DCDC1: variants seen among roughly 807,000 people sequenced by gnomAD.
The protein encoded by DCDC1 is doublecortin domain containing 1.
DCDC1 carries 200 observed loss-of-function variants against 178.3 expected under a neutral mutation model. That is an observed-to-expected ratio of 1.12 (90% CI 1.00 to 1.26). The LOEUF (loss-of-function observed/expected upper bound fraction) is 1.26, where lower values mean the gene tolerates loss of function less well. DCDC1 is among the 50% of genes most tolerant of loss of function. DCDC1 has a pLI of 0.00. For missense variants in DCDC1, 1,983 were observed against 1,749.2 expected (o/e 1.13, Z -2.38); for synonymous variants, 690 against 604.8 (o/e 1.14, Z -2.07).
chr11:31,331,099 C>T (rs1459393712), intron 2 of DCDC1, among the ~76,000 whole-genome samples: 3 of 152,088 alleles, frequency 2.0e-5, no homozygotes, highest in South Asian at 2.1e-4. Flanking sequence ...TTAAGAGGTC[C>T]TTCACATCCC....
chr11:31,329,106 T>G (rs551515177), intron 2 of DCDC1, among the ~76,000 whole-genome samples: 5 of 151,974 alleles, frequency 3.3e-5, no homozygotes, highest in Admixed American at 3.3e-4. Flanking sequence ...TGCCCTATTC[T>G]CCCACATACA....
intron 20 of DCDC1, among the ~76,000 whole-genome samples, chr11:30,988,544 C>G (rs866343966): frequency 2.0e-5 from 3 of 152,214 alleles, no homozygotes; most frequent in South Asian, 2.1e-4. Flanking sequence ...TCCCTCACCC[C>G]ACTCTTCTCC....
Position 30,903,491 on chromosome 11 carries a change from T to C in DCDC1, c.4501A>G (p.Ser1501Gly). ...PVGKEQIIVE[S>G]MEENPRMKVK... ...GTAGATTGTAGCCAACCTTCCATACTTTCAACAATTATCTGTTCTTTTCCA... is the reference window on the plus strand; with the variant it reads ...GTAGATTGTAGCCAACCTTCCATACCTTCAACAATTATCTGTTCTTTTCCA... The change falls in exon 32 of 39, where the codon AGT (serine) becomes GGT (glycine). Residue 1501 changes from serine to glycine, a missense_variant. Ser to Gly is a moderately conservative substitution (Grantham distance 56). Transcript: ENST00000684477. The C allele has an allele frequency of 6.3e-7, 1 of 1,595,114 alleles. No homozygotes were observed. The highest frequency in any genetic ancestry group is 1.3e-5 in the African/African-American group (1 of 74,838).
intron 18 of DCDC1, among the ~76,000 whole-genome samples, chr11:31,072,057 G>C (rs1956598973): frequency 6.6e-6 from 1 of 152,112 alleles, no homozygotes; most frequent in Non-Finnish European, 1.5e-5. Flanking sequence ...AAAAAATAAA[G>C]CAATAGATAA....
Position 31,032,364 on chromosome 11 carries a change from T to C in DCDC1, c.2591+32105A>G, listed in dbSNP as rs548072620. Among the ~76,000 whole-genome samples, 8 of 152,320 alleles carry C rather than the reference T, an allele frequency of 5.3e-5. No homozygotes were observed. The South Asian group carries it at 1.7e-3, about 32-fold the overall frequency. ...TAATTTTAATTCACCAGCTCATGTC[T>C]TGTAGGAATATTGTATTTCCTAATG... is the stretch of plus-strand genomic sequence containing the variant. On this transcript the variant is annotated intron_variant, in intron 20 of 38. Transcript: ENST00000684477.
rs1946196481 is a variant in DCDC1 at position 30,920,786 on chromosome 11, T to C, written c.3283A>G (p.Ser1095Gly). The change falls in exon 25 of 39, where the codon AGT becomes GGT. Residue 1095 changes from serine (S) to glycine (G), a missense_variant. By Grantham distance (56) the Ser-to-Gly change is moderately conservative. Transcript: ENST00000684477. The stretch of plus-strand genomic sequence containing the variant: ...ACACTGATTACTTACAGAATTTCAC[T>C]GGAAGCATTTTCCGTTGTTAGAGGA... ...EDPLTTENAS[S>G]EILDSHVRAH... is the part of the protein sequence containing the mutation. 2 of 1,613,444 alleles carry C rather than the reference T, an allele frequency of 1.2e-6. No individual in the cohort carries two copies. The highest frequency in any genetic ancestry group is 1.7e-6 in the Non-Finnish European group (2 of 1,179,694).
chr11:30,878,629 C>A lies in DCDC1; in HGVS notation c.5316G>T (p.Val1772=). ...QQGPQATDIV[V]SPSTKLLSLA... Reference sequence around the variant, plus strand: ...GAGACAGCAGCTTCGTGGATGGTGACACCACAATGTCTGTGGCTTGAGGGC... The same window carrying A: ...GAGACAGCAGCTTCGTGGATGGTGAAACCACAATGTCTGTGGCTTGAGGGC... Residue 1772 remains valine, a synonymous_variant, in exon 38 of 39, where the codon GTG becomes GTT. Transcript: ENST00000684477. The A allele has an allele frequency of 1.2e-6, 2 of 1,610,546 alleles. No homozygotes were observed. Among genetic ancestry groups the A allele is most frequent in the Non-Finnish European group, 1.7e-6 (2 of 1,178,610 alleles).
intron 20 of DCDC1, among the ~76,000 whole-genome samples, chr11:30,977,339 G>T (rs1284135906): frequency 6.6e-6 from 1 of 152,210 alleles, no homozygotes; most frequent in African/African-American, 2.4e-5. Context: ...GACTTGAAAA[G>T]TTCCCAACAC....
chr11:31,223,980 C>T (rs1974601011), intron 9 of DCDC1, among the ~76,000 whole-genome samples: 1 of 151,756 alleles, frequency 6.6e-6, no homozygotes, highest in Admixed American at 6.6e-5. Context: ...ATCATGGGGG[C>T]CGGTCTTTCC....
chr11:31,368,932 G>A (rs1465964260), intron 1 of DCDC1, among the ~76,000 whole-genome samples: 2 of 151,946 alleles, frequency 1.3e-5, no homozygotes, highest in Non-Finnish European at 2.9e-5. Flanking sequence ...AAGAAAGAAA[G>A]GTGAGAAAAA....
intron 6 of DCDC1, among the ~76,000 whole-genome samples, chr11:31,294,864 AAG>A (rs1947571102): frequency 6.8e-6 from 1 of 148,054 alleles, no homozygotes; most frequent in South Asian, 2.2e-4. Context: ...GAAAGAAAGA[AAG>A]AAAAAGAAAA....
At position 30,877,880 on chromosome 11, in the gene DCDC1, T is replaced by C. The variant is rs1193316820; in HGVS notation, c.*40+664A>G. 7.2e-5 allele frequency among the ~76,000 whole-genome samples: 11 copies of C among 152,164 alleles called. 1 individual carries two copies. Among genetic ancestry groups the C allele is most frequent in the Non-Finnish European group, 8.8e-5 (6 of 68,022 alleles). ...TAGTGTCTAGTGGTCAGAGTCTTTT[T>C]GTATTATCAAAACATTCCATATATG... is the stretch of plus-strand genomic sequence containing the variant. On this transcript the variant is annotated intron_variant, in intron 38 of 38. Transcript: ENST00000684477.
chr11:31,095,782 G>A (rs1435108403), intron 15 of DCDC1, among the ~76,000 whole-genome samples: 1 of 152,122 alleles, frequency 6.6e-6, no homozygotes, highest in Non-Finnish European at 1.5e-5. Context: ...CACATCACTT[G>A]TAGGAATTCT....
rs181389739 is a variant in DCDC1, at chr11:31,133,834, G to T, written c.1314+3858C>A. Among the ~76,000 whole-genome samples the T allele has an allele frequency of 5.6e-4, 85 of 152,224 alleles. 1 individual carries two copies. Among genetic ancestry groups the T allele is most frequent in the African/African-American group, 1.8e-3 (74 of 41,538 alleles). On this transcript the variant is annotated intron_variant, in intron 10 of 38. Coordinates refer to ENST00000684477, the MANE Select transcript of DCDC1 (RefSeq NM_001387274.1). ...TTCTCCTGCCTCAGCCTCCTGAGTA[G>T]CTGGGATTACAGGCATGCACCAGCA...
chr11:30,864,118 C>A lies in DCDC1; in HGVS notation c.*1255G>T, dbSNP rs1206221303. ...CTCCAGACTGGGCAACAGAGTGAGA[C>A]TCCATCTCAAAAAAAAAAAATTGCA... is the stretch of plus-strand genomic sequence containing the variant. On this transcript the variant is annotated 3_prime_UTR_variant, in exon 39 of 39. Coordinates refer to ENST00000684477, the MANE Select transcript of DCDC1 (RefSeq NM_001387274.1). 1 of 151,448 alleles carries A rather than the reference C, an allele frequency of 6.6e-6. No homozygotes were observed. Among genetic ancestry groups the A allele is most frequent in the Non-Finnish European group, 1.5e-5 (1 of 67,986 alleles). 9.4% of individuals were successfully genotyped at this position (151,448 alleles called of 1,614,324 possible).
chr11:30,891,026 A>G (rs1943728665), intron 36 of DCDC1, among the ~76,000 whole-genome samples: 1 of 152,140 alleles, frequency 6.6e-6, no homozygotes, highest in South Asian at 2.1e-4. Context: ...GTACTTTCTT[A>G]TGATATGTAC....
chr11:30,894,735 C>T (rs1565039399), intron 34 of DCDC1, among the ~76,000 whole-genome samples: 1 of 152,168 alleles, frequency 6.6e-6, no homozygotes. Flanking sequence ...TCCTTCTAGT[C>T]TTGGAACATA....
In DCDC1 at chr11:31,359,050, G is replaced by T. The variant is rs543106397; in HGVS notation, c.-125+10647C>A. Reference sequence around the variant, plus strand: ...GCGATTCCTCAGGGATCTGGAACTAGAAATACCATTTGACCCAGCCATCCC... The same window carrying T: ...GCGATTCCTCAGGGATCTGGAACTATAAATACCATTTGACCCAGCCATCCC... On this transcript the variant is annotated intron_variant, in intron 1 of 38. Transcript: ENST00000684477. Among the ~76,000 whole-genome samples the T allele has an allele frequency of 9.2e-5, 14 of 152,202 alleles. No individual in the cohort carries two copies. In the East Asian group the frequency reaches 2.5e-3, roughly 27 times the overall value.
rs200284471 is a variant in DCDC1 at position 30,881,309 on chromosome 11, C to A, written c.5083-1G>T. ...GACGAGAGGAGCAGTCTTGCAGCAG[C>A]TGAGACACAGAGGGACAGCCACATT... On this transcript the variant is annotated splice_acceptor_variant, in intron 36 of 38. Transcript: ENST00000684477. LOFTEE classifies it high-confidence loss of function. The A allele has an allele frequency of 1.1e-5, 17 of 1,612,586 alleles. No individual in the cohort carries two copies. Among genetic ancestry groups the A allele is most frequent in the Non-Finnish European group, 1.7e-6 (2 of 1,179,270 alleles).
Sources: allele counts gnomAD v4.1 joint callset (sites outside exome capture counted in the v4.1 genomes callset), GRCh38; gene constraint gnomAD v4.1.1; transcripts MANE v1.5; gene names NCBI Gene and HGNC (gene_info 2026-07-23, HGNC 2026-07-21).